RNF217: variants seen among roughly 807,000 people sequenced by gnomAD.
RNF217 encodes the protein E3 ubiquitin-protein ligase RNF217.
Under a neutral mutation model 57.8 loss-of-function variants are expected in RNF217, and 31 were observed. The ratio of observed to expected loss-of-function variants is 0.54; its 90% CI spans 0.40 to 0.72. The LOEUF (loss-of-function observed/expected upper bound fraction) is 0.72. Among genes scored for constraint, RNF217 ranks in the 30% least tolerant of loss-of-function variants. The pLI is 0.00. For synonymous variants in RNF217, 313 were observed against 294.0 expected, an observed-to-expected ratio of 1.06 and a Z score of -0.66; for missense variants, 696 against 708.3, an observed-to-expected ratio of 0.98 and a Z score of 0.20.
At chr6:125,079,696 AT>A (rs1788505524) in intron 4 of RNF217, among the ~76,000 whole-genome samples, 1 of 152,158 alleles carries the variant, frequency 6.6e-6, no homozygotes, top group African/African-American at 2.4e-5. Context: ...TTGCAAAGAA[AT>A]TTGATACTAA....
chr6:125,041,329 G>A (rs1786872505), intron 1 of RNF217, among the ~76,000 whole-genome samples: 1 of 152,050 alleles, frequency 6.6e-6, no homozygotes, highest in African/African-American at 2.4e-5. Context: ...ATTGAATCCA[G>A]ACTTCCAGAA....
intron 1 of RNF217, among the ~76,000 whole-genome samples, chr6:125,001,842 T>G (rs1784998750): frequency 6.6e-6 from 1 of 152,150 alleles, no homozygotes; most frequent in African/African-American, 2.4e-5. Flanking sequence ...AAAGCAAAGA[T>G]AAGTGAAAAA....
chr6:125,064,504 C>T lies in RNF217; in HGVS notation c.1281+6398C>T, dbSNP rs544279666. Reference sequence around the variant, plus strand: ...TTTATTTTAAAAATCAATATGTTGTCTTAGTTATAAAATAGAAATAAGTGA... The same window carrying T: ...TTTATTTTAAAAATCAATATGTTGTTTTAGTTATAAAATAGAAATAAGTGA... On this transcript the variant is annotated intron_variant, in intron 3 of 5. Coordinates refer to ENST00000521654, the MANE Select transcript of RNF217 (RefSeq NM_001286398.3). 1.4e-4 allele frequency among the ~76,000 whole-genome samples: 21 copies of T among 151,996 alleles called. No individual in the cohort carries two copies. In the East Asian group the frequency reaches 2.1e-3, roughly 15 times the overall value.
chr6:125,003,833 A>G (rs757148181), intron 1 of RNF217, among the ~76,000 whole-genome samples: 25 of 152,064 alleles, frequency 1.6e-4, no homozygotes, highest in Admixed American at 2.6e-4. Flanking sequence ...CTTATATGCT[A>G]TGTCTTGTAG....
intron 1 of RNF217, among the ~76,000 whole-genome samples, chr6:124,980,087 A>G (rs1047062146): frequency 3.3e-5 from 5 of 152,168 alleles, no homozygotes; most frequent in African/African-American, 1.2e-4. Flanking sequence ...CCTCTGTTCA[A>G]CTTGATTCTC....
chr6:125,019,440 G>C (rs1785738068), intron 1 of RNF217, among the ~76,000 whole-genome samples: 1 of 152,022 alleles, frequency 6.6e-6, no homozygotes, highest in African/African-American at 2.4e-5. Flanking sequence ...TCTACATTTA[G>C]AATACTGTGA....
chr6:125,060,114 A>C (rs1330478298), intron 3 of RNF217, among the ~76,000 whole-genome samples: 1 of 152,140 alleles, frequency 6.6e-6, no homozygotes, highest in African/African-American at 2.4e-5. Flanking sequence ...ACAGAAACCT[A>C]TGAGGAGATA....
intron 1 of RNF217, among the ~76,000 whole-genome samples, chr6:124,970,792 A>G (rs1783732658): frequency 6.6e-6 from 1 of 152,194 alleles, no homozygotes; most frequent in Non-Finnish European, 1.5e-5. Context: ...CAAAGAGTCT[A>G]AAAGGGAGTG....
chr6:125,026,923 T>G (rs958346168), intron 1 of RNF217, among the ~76,000 whole-genome samples: 34 of 152,088 alleles, frequency 2.2e-4, no homozygotes, highest in Admixed American at 1.9e-3. Flanking sequence ...ATACAGTAAA[T>G]ATTAATATTA....
intron 3 of RNF217, among the ~76,000 whole-genome samples, chr6:125,068,679 T>C (rs777223643): frequency 5.3e-5 from 8 of 152,210 alleles, no homozygotes; most frequent in Non-Finnish European, 7.3e-5. Context: ...ATAAGCTCTT[T>C]AAAGGCAGGA....
intron 1 of RNF217, among the ~76,000 whole-genome samples, chr6:125,032,063 T>C (rs12197409): frequency 3.3e-5 from 5 of 152,136 alleles, no homozygotes; most frequent in Non-Finnish European, 7.3e-5. Context: ...GTGAGACTTA[T>C]TCATTATCAC....
intron 1 of RNF217, among the ~76,000 whole-genome samples, chr6:124,990,155 A>C (rs1167119741): frequency 6.6e-6 from 1 of 152,144 alleles, no homozygotes; most frequent in African/African-American, 2.4e-5. Flanking sequence ...CATAGTCTTC[A>C]TTTTCTTCAT....
At chr6:125,002,634 C>T (rs1277219006) in intron 1 of RNF217, among the ~76,000 whole-genome samples, 4 of 152,138 alleles carry the variant, frequency 2.6e-5, no homozygotes, top group Non-Finnish European at 4.4e-5. Flanking sequence ...GTCAGTGTCA[C>T]GCTGGCCCCG....
chr6:124,978,547 A>C (rs1430737810), intron 1 of RNF217, among the ~76,000 whole-genome samples: 1 of 151,962 alleles, frequency 6.6e-6, no homozygotes, highest in Non-Finnish European at 1.5e-5. Context: ...TCCCCAAGAA[A>C]TGTTACAGCT....
chr6:125,058,180 A>T (rs1407866670), intron 3 of RNF217, 74 bp downstream of exon 3: 1 of 1,321,366 alleles, frequency 7.6e-7, no homozygotes, highest in Non-Finnish European at 1.0e-6. Context: ...ACATTATTGA[A>T]GGGAATTATA....
intron 1 of RNF217, among the ~76,000 whole-genome samples, chr6:125,024,889 T>G (rs1335212734): frequency 6.6e-6 from 1 of 152,116 alleles, no homozygotes; most frequent in East Asian, 1.9e-4. Flanking sequence ...TTTTAACATG[T>G]GGGAGCTTGC....
intron 1 of RNF217, among the ~76,000 whole-genome samples, chr6:125,023,789 G>A (rs1165738456): frequency 3.9e-5 from 6 of 152,130 alleles, no homozygotes; most frequent in Admixed American, 6.6e-5. Context: ...GATGAACCTG[G>A]AGGACATTAC....
chr6:125,057,294 G>A (rs954807000), intron 2 of RNF217, among the ~76,000 whole-genome samples: 2 of 151,926 alleles, frequency 1.3e-5, no homozygotes, highest in East Asian at 1.9e-4. Context: ...GTCATGTCTC[G>A]TGTCATCCTC....
At chr6:125,066,700 C>T (rs1433668495) in intron 3 of RNF217, among the ~76,000 whole-genome samples, 1 of 152,052 alleles carries the variant, frequency 6.6e-6, no homozygotes, top group East Asian at 1.9e-4. Flanking sequence ...CTTATCACTA[C>T]TTAAAATAAT....
Sources: allele counts gnomAD v4.1 joint callset (sites outside exome capture counted in the v4.1 genomes callset), GRCh38; gene constraint gnomAD v4.1.1; transcripts MANE v1.5; gene names NCBI Gene and HGNC (gene_info 2026-07-23, HGNC 2026-07-21).